The following CLVS1 variants were observed in gnomAD, a reference collection of about 807,000 sequenced individuals.
The protein encoded by CLVS1 is clavesin-1.
In CLVS1, 10 loss-of-function variants were observed where a neutral mutation model predicts 33.1. The observed-to-expected ratio is 0.30, with a 90% confidence interval of 0.19 to 0.51. The LOEUF (loss-of-function observed/expected upper bound fraction) is 0.51. Among genes scored for constraint, CLVS1 ranks in the 20% least tolerant of loss-of-function variants. CLVS1 has a pLI of 0.97. For synonymous variants in CLVS1, 163 were observed against 166.1 expected, an observed-to-expected ratio of 0.98 and a Z score of 0.14; for missense variants, 343 against 433.4, an observed-to-expected ratio of 0.79 and a Z score of 1.85.
intron 5 of CLVS1, among the ~76,000 whole-genome samples, chr8:61,468,735 A>AAAAAAAAAAAAAAAG (rs1217287345): frequency 6.5e-5 from 9 of 138,770 alleles, no homozygotes; most frequent in African/African-American, 1.5e-4. Flanking sequence ...AAAAAAAAAA[A>AAAAAAAAAAAAAAAG]AAAAGGTAGT....
At position 61,345,636 on chromosome 8, in the gene CLVS1, GTA is replaced by G. The variant is rs765782420; in HGVS notation, c.456-30967_456-30966del. Among the ~76,000 whole-genome samples, 552 of 126,414 alleles carry G rather than the reference GTA, an allele frequency of 4.4e-3. 3 individuals are homozygous for G. Among genetic ancestry groups the G allele is most frequent in the African/African-American group, 0.016 (498 of 30,218 alleles). 82.9% of individuals were successfully genotyped at this position (126,414 alleles called of 152,430 possible). ...AGCCTCTAGGGGTGTGTGTGTGTGT[GTA>G]TGTGTGTGTGTGTGTGTGTGTGTGT... On this transcript the variant is annotated intron_variant, in intron 2 of 5. Coordinates refer to ENST00000325897, the MANE Select transcript of CLVS1 (RefSeq NM_173519.3).
At chr8:61,180,539 A>T (rs1293524793) in intron 2 of CLVS1, among the ~76,000 whole-genome samples, 2 of 152,216 alleles carry the variant, frequency 1.3e-5, no homozygotes, top group African/African-American at 4.8e-5. Context: ...ACAACAAAAA[A>T]ATAAAACTTC....
chr8:61,232,202 T>C (rs913948236), intron 2 of CLVS1, among the ~76,000 whole-genome samples: 1 of 151,662 alleles, frequency 6.6e-6, no homozygotes, highest in Non-Finnish European at 1.5e-5. Flanking sequence ...GCCCGGCTAA[T>C]TTTTTGTATA....
At chr8:61,048,964 T>A in the CLVS1 span, among the ~76,000 whole-genome samples, 3 of 152,158 alleles carry the variant, frequency 2.0e-5, no homozygotes, top group African/African-American at 7.2e-5. Context: ...AATCATCCCA[T>A]AAAAAATTAA....
At chr8:60,968,946 A>G in the CLVS1 span, among the ~76,000 whole-genome samples, 1 of 151,748 alleles carries the variant, frequency 6.6e-6, no homozygotes, top group African/African-American at 2.4e-5. Context: ...CTAGGAGGCC[A>G]GGCATGGTGC....
chr8:61,177,064 C>T (rs1366407562), intron 2 of CLVS1, among the ~76,000 whole-genome samples: 3 of 127,716 alleles, frequency 2.3e-5, no homozygotes, highest in Non-Finnish European at 4.9e-5. Flanking sequence ...ACTAAGCTCC[C>T]GGAGTGGCGA....
At chr8:61,359,419 G>A (rs1237355507) in intron 2 of CLVS1, among the ~76,000 whole-genome samples, 1 of 151,804 alleles carries the variant, frequency 6.6e-6, no homozygotes, top group East Asian at 1.9e-4. Flanking sequence ...GCAATGGTGC[G>A]ACCTTGGCTC....
intron 2 of CLVS1, among the ~76,000 whole-genome samples, chr8:61,212,469 G>A (rs527540835): frequency 3.3e-4 from 51 of 152,284 alleles, no homozygotes; most frequent in South Asian, 2.1e-4. Flanking sequence ...TGAGGCTGGC[G>A]CTGCCCAGTT....
rs542119342 is a variant in CLVS1 at position 61,181,830 on chromosome 8, G to T, written c.-152+49970G>T. ...TTCTCCTGCCTCAGCCTCCCGAGTA[G>T]CTGGGACTACAGGTGCCCGCCACTG... On this transcript the variant is annotated intron_variant, in intron 2 of 2. Coordinates refer to the CLVS1 transcript ENST00000522621. Among the ~76,000 whole-genome samples, 6 of 151,384 alleles carry T rather than the reference G, an allele frequency of 4.0e-5. No individual in the cohort carries two copies. In the East Asian group the frequency reaches 7.8e-4, roughly 20 times the overall value.
chr8:61,450,200 T>A (rs1316570408), intron 3 of CLVS1, among the ~76,000 whole-genome samples: 1 of 152,198 alleles, frequency 6.6e-6, no homozygotes, highest in African/African-American at 2.4e-5. Context: ...TTGAGTAAAG[T>A]TGGGCTGCAC....
chr8:61,485,646 G>A (rs13267956), intron 5 of CLVS1, among the ~76,000 whole-genome samples: 86,161 of 152,082 alleles, frequency 0.57, 27,972 homozygotes, highest in Non-Finnish European at 0.72. Flanking sequence ...ACATGCACAC[G>A]TATGTTTATT....
chr8:61,034,701 A>G, the CLVS1 span, among the ~76,000 whole-genome samples: 373 of 152,342 alleles, frequency 2.4e-3, 1 homozygote, highest in African/African-American at 8.7e-3. Context: ...GCCAGGAACA[A>G]CTTTGAGTAA....
intron 2 of CLVS1, among the ~76,000 whole-genome samples, chr8:61,336,916 A>G (rs1811828733): frequency 6.6e-6 from 1 of 152,234 alleles, no homozygotes; most frequent in East Asian, 1.9e-4. Flanking sequence ...TTCTGTATCC[A>G]AAACTACAGA....
intron 5 of CLVS1, among the ~76,000 whole-genome samples, chr8:61,460,535 T>A (rs1817333881): frequency 6.6e-6 from 1 of 152,224 alleles, no homozygotes; most frequent in Non-Finnish European, 1.5e-5. Flanking sequence ...GGTAGTTGCC[T>A]AATAATTTCC....
At chr8:61,332,545 C>G (rs1309550297) in intron 2 of CLVS1, among the ~76,000 whole-genome samples, 1 of 152,178 alleles carries the variant, frequency 6.6e-6, no homozygotes, top group East Asian at 1.9e-4. Flanking sequence ...CTGCTATCAT[C>G]TCATATTTCT....
chr8:61,069,347 A>G (rs900608252), intron 1 of CLVS1, among the ~76,000 whole-genome samples: 2 of 152,160 alleles, frequency 1.3e-5, no homozygotes, highest in African/African-American at 4.8e-5. Flanking sequence ...CATTTTGAGA[A>G]ATCACATCAG....
chr8:61,235,467 T>G (rs547474956), intron 2 of CLVS1, among the ~76,000 whole-genome samples: 1 of 152,304 alleles, frequency 6.6e-6, no homozygotes, highest in African/African-American at 2.4e-5. Context: ...AAATGGAACT[T>G]GAGAGGTCAC....
chr8:60,977,441 C>A, the CLVS1 span, among the ~76,000 whole-genome samples: 5 of 151,898 alleles, frequency 3.3e-5, no homozygotes, highest in South Asian at 2.1e-4. Context: ...GCCAAAGGAA[C>A]AAAGGAAATC....
chr8:61,256,983 G>C (rs1319826852), intron 2 of CLVS1, among the ~76,000 whole-genome samples: 1 of 152,158 alleles, frequency 6.6e-6, no homozygotes, highest in Non-Finnish European at 1.5e-5. Context: ...ATACTGTATA[G>C]TTTTGGGGTG....
Sources: gnomAD v4.1 joint callset for allele counts (sites outside exome capture counted in the v4.1 genomes callset) on GRCh38, gnomAD v4.1.1 for gene constraint, MANE v1.5 for transcripts, NCBI Gene and HGNC (gene_info 2026-07-23, HGNC 2026-07-21) for gene names.